SCARB1: variants seen among roughly 807,000 people sequenced by gnomAD.
SCARB1 encodes CD36 and LIMPII analogous 1.
A neutral mutation model predicts 57.2 loss-of-function variants in SCARB1; 30 were observed. The observed-to-expected ratio is 0.52, with a 90% confidence interval of 0.39 to 0.71. SCARB1 has a LOEUF of 0.71. Ranked by LOEUF, SCARB1 falls within the 30% of genes least tolerant of loss-of-function variation. SCARB1 has a pLI of 0.00. For missense variants in SCARB1, 543 were observed against 671.2 expected, an observed-to-expected ratio of 0.81 and a Z score of 2.11; for synonymous variants, 249 against 268.3, an observed-to-expected ratio of 0.93 and a Z score of 0.70.
intron 7 of SCARB1, among the ~76,000 whole-genome samples, chr12:124,806,567 C>T (rs922678288): frequency 1.3e-5 from 2 of 152,146 alleles, no homozygotes; most frequent in African/African-American, 4.8e-5. Flanking sequence ...ACAGGGTAAA[C>T]GGGCGCTGGG....
intron 1 of SCARB1, among the ~76,000 whole-genome samples, chr12:124,827,206 C>T (rs1951195615): frequency 6.6e-6 from 1 of 152,096 alleles, no homozygotes; most frequent in Non-Finnish European, 1.5e-5. Context: ...TCTTAAGAGC[C>T]GAGCTCCCCG....
chr12:124,849,549 C>G (rs1204513020), intron 1 of SCARB1, among the ~76,000 whole-genome samples: 1 of 152,246 alleles, frequency 6.6e-6, no homozygotes, highest in African/African-American at 2.4e-5. Context: ...CCACCCAGGC[C>G]CCTTCCACCC....
intron 1 of SCARB1, among the ~76,000 whole-genome samples, chr12:124,832,444 T>A (rs1951439410): frequency 6.6e-6 from 1 of 151,404 alleles, no homozygotes; most frequent in Admixed American, 6.6e-5. Context: ...CACTTGAACC[T>A]GGAAGGCAGA....
chr12:124,811,839 G>A lies in SCARB1; in HGVS notation c.726+31C>T, dbSNP rs778486309. ...CCGGGCCCACCCTCCCCTCTCCCTG[G>A]CGACAGGGGCCCTCGCCTCTCGCCC... is the stretch of plus-strand genomic sequence containing the variant. On this transcript the variant is annotated intron_variant, in intron 5 of 12. Coordinates refer to ENST00000261693, the MANE Select transcript of SCARB1 (RefSeq NM_005505.5). 6 of 1,538,382 alleles carry A rather than the reference G, an allele frequency of 3.9e-6. No individual in the cohort carries two copies. The East Asian group carries it at 1.4e-4, about 36-fold the overall frequency.
chr12:124,856,310 C>T (rs963534692), intron 1 of SCARB1, among the ~76,000 whole-genome samples: 6 of 152,234 alleles, frequency 3.9e-5, no homozygotes, highest in African/African-American at 9.6e-5. Flanking sequence ...CACATCATCA[C>T]GTCGTCACAC....
Position 124,814,132 on chromosome 12 carries a change from T to C in SCARB1, c.630+70A>G, listed in dbSNP as rs1037949556. On this transcript the variant is annotated intron_variant, in intron 4 of 12. Coordinates refer to ENST00000261693, the MANE Select transcript of SCARB1 (RefSeq NM_005505.5). This position sits in a 1 kb window ranked among gnomAD's most constrained non-coding sequence, Gnocchi z 4.7. ...AGCTACAAAGCAAGCTGGTGACCAG[T>C]GTCCAGGCTGTGTGAGGGGAAGACA... 6.3e-6 allele frequency: 9 copies of C among 1,421,554 alleles called. No individual in the cohort carries two copies. The highest frequency in any genetic ancestry group is 1.2e-5 in the South Asian group (1 of 86,776). The allele number at this position is 1,421,554 out of a possible 1,614,324, so 88.1% of individuals were successfully genotyped here.
chr12:124,786,195 C>T (rs542567086), intron 11 of SCARB1, 162 bp downstream of exon 11: 169 of 1,594,000 alleles, frequency 1.1e-4, no homozygotes, highest in Non-Finnish European at 1.4e-4. Context: ...GCGTGCTGCG[C>T]AGCCCCCAGC....
Position 124,777,339 on chromosome 12 carries a change from G to C in SCARB1, c.*1248C>G, listed in dbSNP as rs1471296345. The C allele has an allele frequency of 1.3e-5, 2 of 152,170 alleles. No homozygotes were observed. The highest frequency in any genetic ancestry group is 4.8e-5 in the African/African-American group (2 of 41,438). 9.4% of individuals were successfully genotyped at this position (152,170 alleles called of 1,614,324 possible). Reference sequence around the variant, plus strand: ...AAATGCACAGAAACACATCCAGGGGGCCCCATGCAAAAGTGGCAAAAGCGT... The same window carrying C: ...AAATGCACAGAAACACATCCAGGGGCCCCCATGCAAAAGTGGCAAAAGCGT... On this transcript the variant is annotated 3_prime_UTR_variant, in exon 13 of 13. Coordinates refer to ENST00000261693, the MANE Select transcript of SCARB1 (RefSeq NM_005505.5).
intron 12 of SCARB1, among the ~76,000 whole-genome samples, chr12:124,781,013 G>A (rs1028044292): frequency 6.6e-6 from 1 of 152,170 alleles, no homozygotes; most frequent in African/African-American, 2.4e-5. Context: ...GAAAGGAAGG[G>A]GGTCCAGGCA....
At chr12:124,788,484 C>A (rs142560880) in intron 9 of SCARB1, among the ~76,000 whole-genome samples, 5 of 152,280 alleles carry the variant, frequency 3.3e-5, no homozygotes, top group African/African-American at 9.6e-5. Context: ...GGAGGTGAAC[C>A]TTTTTTCCCT....
At chr12:124,840,193 T>A (rs1302165010) in intron 1 of SCARB1, among the ~76,000 whole-genome samples, 1 of 152,176 alleles carries the variant, frequency 6.6e-6, no homozygotes, top group Non-Finnish European at 1.5e-5. Flanking sequence ...GCATTTTTTT[T>A]TTTTTTAAGA....
chr12:124,831,821 T>C (rs1951406601), intron 1 of SCARB1, among the ~76,000 whole-genome samples: 1 of 152,216 alleles, frequency 6.6e-6, no homozygotes, highest in South Asian at 2.1e-4. Context: ...GTCACTGCGA[T>C]CTTCCTTCCA....
intron 1 of SCARB1, among the ~76,000 whole-genome samples, chr12:124,860,287 T>G (rs1299261648): frequency 6.6e-6 from 1 of 152,226 alleles, no homozygotes; most frequent in African/African-American, 2.4e-5. Flanking sequence ...AAGAAGCCAT[T>G]CTTAAGAAAT....
intron 1 of SCARB1, among the ~76,000 whole-genome samples, chr12:124,847,542 A>C (rs1952215371): frequency 6.6e-6 from 1 of 152,216 alleles, no homozygotes; most frequent in Non-Finnish European, 1.5e-5. Flanking sequence ...CTGAGACCCC[A>C]GGGTTTCCAC....
intron 1 of SCARB1, among the ~76,000 whole-genome samples, chr12:124,841,347 C>G: frequency 6.8e-6 from 1 of 147,582 alleles, no homozygotes; most frequent in Non-Finnish European, 1.5e-5. Context: ...ACTCCCCCGC[C>G]TGGGCAACAG....
At chr12:124,846,248 T>C (rs1952145293) in intron 1 of SCARB1, among the ~76,000 whole-genome samples, 1 of 152,162 alleles carries the variant, frequency 6.6e-6, no homozygotes, top group Admixed American at 6.5e-5. Flanking sequence ...AATTATTAAA[T>C]GAAAAACAAA....
intron 4 of SCARB1, among the ~76,000 whole-genome samples, chr12:124,813,028 G>A (rs1195059346): frequency 6.6e-6 from 1 of 152,138 alleles, no homozygotes; most frequent in Non-Finnish European, 1.5e-5. Flanking sequence ...TGGACGGAGA[G>A]CATCAGAAAC....
chr12:124,778,450 C>T lies in SCARB1; in HGVS notation c.*137G>A, dbSNP rs1872720065. 3.0e-6 allele frequency: 4 copies of T among 1,326,244 alleles called. No homozygotes were observed. Among genetic ancestry groups the T allele is most frequent in the Non-Finnish European group, 2.9e-6 (3 of 1,036,018 alleles). 82.2% of individuals were successfully genotyped at this position (1,326,244 alleles called of 1,614,324 possible). ...CGTGTGTGCAGGTGTGCAACAGGCA[C>T]ATGGCAGCTGGGAGGCTCAGGCTGT... is the stretch of plus-strand genomic sequence containing the variant. On this transcript the variant is annotated 3_prime_UTR_variant, in exon 13 of 13. Coordinates refer to ENST00000261693, the MANE Select transcript of SCARB1 (RefSeq NM_005505.5).
At chr12:124,794,974 G>A (rs2135577071) in intron 9 of SCARB1, among the ~76,000 whole-genome samples, 1 of 146,770 alleles carries the variant, frequency 6.8e-6, no homozygotes, top group Non-Finnish European at 1.5e-5. Context: ...GAAAAGTGGT[G>A]TTCTGGGGAA....
Sources: gnomAD v4.1 joint callset for allele counts (sites outside exome capture counted in the v4.1 genomes callset) on GRCh38, gnomAD v4.1.1 for gene constraint, Gnocchi (gnomAD v3.1) non-coding constraint, MANE v1.5 for transcripts, NCBI Gene and HGNC (gene_info 2026-07-23, HGNC 2026-07-21) for gene names.